Variants in KAT6B observed in about 807,000 individuals in gnomAD.
KAT6B encodes the protein lysine acetyltransferase 6B, also known as histone acetyltransferase KAT6B.
A neutral mutation model predicts 187.5 loss-of-function variants in KAT6B; 10 were observed. The observed-to-expected ratio is 0.05, with a 90% CI of 0.03 to 0.09. The LOEUF (loss-of-function observed/expected upper bound fraction) is 0.09. KAT6B is among the 10% of genes least tolerant of loss of function. The pLI is 1.00. For missense variants in KAT6B, 1,952 were observed against 2,558.9 expected (o/e 0.76, Z 5.12); for synonymous variants, 861 against 926.8 (o/e 0.93, Z 1.29).
intron 9 of KAT6B, 99 bp from the exon 10 acceptor site, chr10:74,979,125 G>A: frequency 1.3e-6 from 1 of 783,118 alleles, no homozygotes; most frequent in South Asian, 1.5e-5. Context: ...ATTAAGATTA[G>A]TGTTCTGATC....
chr10:75,001,065 A>C (rs996531414), intron 13 of KAT6B, among the ~76,000 whole-genome samples: 1 of 151,748 alleles, frequency 6.6e-6, no homozygotes, highest in Non-Finnish European at 1.5e-5. Flanking sequence ...CCTGCCCCCC[A>C]CACACATATA....
intron 3 of KAT6B, among the ~76,000 whole-genome samples, chr10:74,860,038 TG>T (rs1219825885): frequency 2.0e-5 from 3 of 152,198 alleles, no homozygotes; most frequent in African/African-American, 4.8e-5. Context: ...CTTTTTCAGT[TG>T]TTTTTTATTT....
chr10:74,827,286 A>C (rs1215004916), intron 1 of KAT6B: 1 of 153,140 alleles, frequency 6.5e-6, no homozygotes, highest in East Asian at 1.9e-4. Context: ...ATGATACCGA[A>C]GGCGAGATTG....
intron 15 of KAT6B, 94 bp downstream of exon 15, chr10:75,021,379 GT>G: frequency 7.9e-7 from 1 of 1,270,848 alleles, no homozygotes; most frequent in South Asian, 1.2e-5. Context: ...CAAAAGCTTG[GT>G]TATGTAGAGA....
rs563129858 is a variant in KAT6B at position 74,997,189 on chromosome 10, ATCTCTCTCTCTTTC to A, written c.2629+8089_2629+8102del. On this transcript the variant is annotated intron_variant, in intron 13 of 17. Transcript: ENST00000287239. ...CCAGCCTGGGCAACACAAGGAGACC[ATCTCTCTCTCTTTC>A]TCTCTCTCTCTCTCCCCCTGTTCTC... 2.7e-4 allele frequency among the ~76,000 whole-genome samples: 41 copies of A among 151,074 alleles called. 1 individual carries two copies. In the South Asian group the frequency reaches 8.4e-3, roughly 31 times the overall value.
intron 3 of KAT6B, among the ~76,000 whole-genome samples, chr10:74,873,379 C>T (rs913949871): frequency 3.3e-5 from 5 of 151,302 alleles, no homozygotes; most frequent in African/African-American, 7.3e-5. Flanking sequence ...GCAGGAGGAT[C>T]GCTTGAGCCC....
chr10:74,855,741 A>G (rs1264361686), intron 3 of KAT6B, among the ~76,000 whole-genome samples: 1 of 152,248 alleles, frequency 6.6e-6, no homozygotes, highest in African/African-American at 2.4e-5. Context: ...TTATAAAATT[A>G]GAGTATTTCA....
intron 3 of KAT6B, among the ~76,000 whole-genome samples, chr10:74,915,228 C>T (rs1417616608): frequency 2.0e-5 from 3 of 152,104 alleles, no homozygotes; most frequent in African/African-American, 7.2e-5. Context: ...TCTAATGTAT[C>T]CGTGTAAGTT....
intron 3 of KAT6B, among the ~76,000 whole-genome samples, chr10:74,881,520 A>C (rs1335872274): frequency 6.6e-6 from 1 of 152,166 alleles, no homozygotes; most frequent in Non-Finnish European, 1.5e-5. Context: ...CCCTCTGTTG[A>C]AACACAGGAA....
chr10:75,006,489 C>T (rs1844210991), intron 13 of KAT6B, among the ~76,000 whole-genome samples: 1 of 152,102 alleles, frequency 6.6e-6, no homozygotes, highest in Non-Finnish European at 1.5e-5. Flanking sequence ...CTTGCTCTAT[C>T]ACCCAGGCTG....
At position 74,959,920 on chromosome 10, in the gene KAT6B, AC is replaced by A. The variant is rs768678610; in HGVS notation, c.622-49del. ...AAAAGCTTTTGATTTTAATGTTTTT[AC>A]TTTTGAAATGGAAAAGTGACAGTAT... On this transcript the variant is annotated intron_variant, in intron 3 of 17. Transcript: ENST00000287239. 5 of 1,232,116 alleles carry A rather than the reference AC, an allele frequency of 4.1e-6. No individual in the cohort carries two copies. The Admixed American group carries it at 6.8e-5, about 17-fold the overall frequency. The allele number at this position is 1,232,116 out of a possible 1,614,324, so 76.3% of individuals were successfully genotyped here.
At chr10:74,891,797 A>G (rs1845662006) in intron 3 of KAT6B, among the ~76,000 whole-genome samples, 1 of 152,240 alleles carries the variant, frequency 6.6e-6, no homozygotes, top group Admixed American at 6.5e-5. Context: ...GTGGACTGGC[A>G]GAATTAACAT....
At chr10:74,960,398 T>C (rs1416702372) in intron 4 of KAT6B, among the ~76,000 whole-genome samples, 4 of 152,156 alleles carry the variant, frequency 2.6e-5, no homozygotes, top group Non-Finnish European at 5.9e-5. Context: ...GCTTTCAAGC[T>C]GAGTACAACC....
chr10:74,870,973 G>C (rs1008222155), intron 3 of KAT6B, among the ~76,000 whole-genome samples: 1 of 150,752 alleles, frequency 6.6e-6, no homozygotes, highest in African/African-American at 2.4e-5. Flanking sequence ...TGCCTCCCGG[G>C]TTCAAGTAAT....
chr10:74,860,152 G>A (rs1843078896), intron 3 of KAT6B, among the ~76,000 whole-genome samples: 1 of 152,024 alleles, frequency 6.6e-6, no homozygotes, highest in Non-Finnish European at 1.5e-5. Context: ...TTTGTAGGTT[G>A]TTTTTTATTT....
chr10:74,900,293 C>A (rs983792679), intron 3 of KAT6B, among the ~76,000 whole-genome samples: 1 of 152,236 alleles, frequency 6.6e-6, no homozygotes, highest in Non-Finnish European at 1.5e-5. Flanking sequence ...TTAATTAATT[C>A]ATATCAGACT....
At chr10:74,832,387 G>A (rs1840925701) in intron 1 of KAT6B, among the ~76,000 whole-genome samples, 1 of 152,158 alleles carries the variant, frequency 6.6e-6, no homozygotes, top group Admixed American at 6.5e-5. Flanking sequence ...TACTTTGGGA[G>A]GCTACAGTGA....
At chr10:74,910,770 T>G (rs1433667346) in intron 3 of KAT6B, among the ~76,000 whole-genome samples, 1 of 152,200 alleles carries the variant, frequency 6.6e-6, no homozygotes, top group African/African-American at 2.4e-5. Context: ...CTTGAACTTG[T>G]ATAAAACAGA....
intron 13 of KAT6B, among the ~76,000 whole-genome samples, chr10:75,007,204 A>G (rs746358037): frequency 3.3e-5 from 5 of 152,212 alleles, no homozygotes; most frequent in Non-Finnish European, 7.3e-5. Context: ...GAAATTATCT[A>G]TCTTCTGATC....
Sources: gnomAD v4.1 joint callset for allele counts (sites outside exome capture counted in the v4.1 genomes callset) on GRCh38, gnomAD v4.1.1 for gene constraint, MANE v1.5 for transcripts, NCBI Gene and HGNC (gene_info 2026-07-23, HGNC 2026-07-21) for gene names.